Variants in CLDN16 observed in about 807,000 individuals in gnomAD.
The protein encoded by CLDN16 is claudin 16.
Under a neutral mutation model 24.6 loss-of-function variants are expected in CLDN16, and 13 were observed. The observed-to-expected ratio is 0.53, with a 90% confidence interval of 0.34 to 0.84. The LOEUF is 0.84. Ranked by LOEUF, CLDN16 falls within the 40% of genes least tolerant of loss-of-function variation. The pLI, the probability that CLDN16 is intolerant of heterozygous loss-of-function variation, is 0.01. For synonymous variants in CLDN16, 116 were observed against 106.7 expected (o/e 1.09, Z -0.54); for missense variants, 298 against 292.7 (o/e 1.02, Z -0.13).
Position 190,404,762 on chromosome 3 carries a change from T to C in CLDN16, c.218T>C (p.Leu73Ser). Residue 73 changes from leucine (L) to serine (S), a missense_variant and splice_region_variant, in exon 3 of 5, where the codon TTG becomes TCG. Leu to Ser is a moderately radical substitution (Grantham distance 145). Transcript: ENST00000264734. ...TTAACCATATGCCCTGGTCTTCCAG[T>C]GAAGCTGGTGGTAACTCGAGCGTTG... ...EYDSILAEHP[L>S]KLVVTRALMI... 6.2e-7 allele frequency: 1 copy of C among 1,614,176 alleles called. No individual in the cohort carries two copies. The highest frequency in any genetic ancestry group is 8.5e-7 in the Non-Finnish European group (1 of 1,179,990).
At chr3:190,295,018 G>A in the CLDN16 span, among the ~76,000 whole-genome samples, 8 of 151,988 alleles carry the variant, frequency 5.3e-5, no homozygotes, top group Non-Finnish European at 1.0e-4. Context: ...ATTCAATAGA[G>A]GCATTATCTC....
At chr3:190,334,992 C>CTT (rs1189599671) in intron 1 of CLDN16, among the ~76,000 whole-genome samples, 1 of 147,824 alleles carries the variant, frequency 6.8e-6, no homozygotes, top group African/African-American at 2.5e-5. Context: ...CTTTTCTTTT[C>CTT]TTTTTATTCT....
the CLDN16 span, among the ~76,000 whole-genome samples, chr3:190,291,068 A>T: frequency 2.6e-5 from 4 of 152,272 alleles, no homozygotes; most frequent in African/African-American, 2.4e-5. Flanking sequence ...AGCATAATGA[A>T]TGCTATGCGG....
At chr3:190,407,560 T>C (rs1306855087) in intron 3 of CLDN16, among the ~76,000 whole-genome samples, 1 of 152,198 alleles carries the variant, frequency 6.6e-6, no homozygotes, top group Non-Finnish European at 1.5e-5. Flanking sequence ...CATTTCTTAT[T>C]GCATCTAGGC....
At chr3:190,294,848 T>C in the CLDN16 span, among the ~76,000 whole-genome samples, 1 of 152,098 alleles carries the variant, frequency 6.6e-6, no homozygotes, top group Non-Finnish European at 1.5e-5. Flanking sequence ...TCTTGCAAAC[T>C]CAGTAAGAAA....
chr3:190,349,227 A>T (rs1717621200), intron 1 of CLDN16, among the ~76,000 whole-genome samples: 1 of 152,050 alleles, frequency 6.6e-6, no homozygotes, highest in Non-Finnish European at 1.5e-5. Context: ...GATCATGGGG[A>T]TGAATTTCCC....
At chr3:190,323,956 T>C (rs1202174206) in intron 1 of CLDN16, among the ~76,000 whole-genome samples, 1 of 152,130 alleles carries the variant, frequency 6.6e-6, no homozygotes, top group Admixed American at 6.5e-5. Context: ...TATCCCAGGG[T>C]TAGGGCCTGC....
At chr3:190,351,527 A>C (rs1436197129) in intron 1 of CLDN16, among the ~76,000 whole-genome samples, 2 of 152,224 alleles carry the variant, frequency 1.3e-5, no homozygotes, top group Non-Finnish European at 1.5e-5. Context: ...AGTAATATTT[A>C]AACAAACCAG....
At chr3:190,363,315 T>A (rs1415880525) in intron 1 of CLDN16, among the ~76,000 whole-genome samples, 1 of 151,688 alleles carries the variant, frequency 6.6e-6, no homozygotes, top group African/African-American at 2.4e-5. Flanking sequence ...CTCCCATTTA[T>A]CTCTTTAAAC....
At chr3:190,368,339 G>A (rs1718066756) in intron 1 of CLDN16, among the ~76,000 whole-genome samples, 1 of 151,938 alleles carries the variant, frequency 6.6e-6, no homozygotes, top group Admixed American at 6.6e-5. Flanking sequence ...CGCCAACAAT[G>A]ATGGAGTAGA....
At chr3:190,294,274 A>G in the CLDN16 span, among the ~76,000 whole-genome samples, 1 of 152,168 alleles carries the variant, frequency 6.6e-6, no homozygotes, top group Admixed American at 6.5e-5. Context: ...CACTTAGTTC[A>G]ACTAAAAAAA....
chr3:190,302,991 T>C, the CLDN16 span, among the ~76,000 whole-genome samples: 3 of 151,898 alleles, frequency 2.0e-5, no homozygotes, highest in Non-Finnish European at 2.9e-5. Flanking sequence ...ATCAAATTAT[T>C]TGAAAGTTCT....
the CLDN16 span, among the ~76,000 whole-genome samples, chr3:190,312,466 C>T: frequency 6.6e-6 from 1 of 152,320 alleles, no homozygotes; most frequent in East Asian, 1.9e-4. Context: ...CCCAATCCTT[C>T]CATCCCTCAC....
intron 3 of CLDN16, chr3:190,374,721 G>C (rs1363334191): frequency 6.6e-6 from 1 of 151,820 alleles, no homozygotes; most frequent in East Asian, 1.9e-4. Context: ...TTTTCAAAAA[G>C]AACAACAACA....
chr3:190,318,295 G>A (rs1716822887), upstream of CLDN16, among the ~76,000 whole-genome samples: 1 of 152,112 alleles, frequency 6.6e-6, no homozygotes, highest in African/African-American at 2.4e-5. Flanking sequence ...TTAAGTTGAT[G>A]CTTCTATATT....
chr3:190,331,897 T>C (rs1717188004), intron 1 of CLDN16, among the ~76,000 whole-genome samples: 1 of 152,204 alleles, frequency 6.6e-6, no homozygotes, highest in South Asian at 2.1e-4. Context: ...CCTGGTACAT[T>C]CTAGAGGGAT....
chr3:190,343,976 T>C (rs920061089), intron 1 of CLDN16, among the ~76,000 whole-genome samples: 4 of 151,508 alleles, frequency 2.6e-5, no homozygotes, highest in African/African-American at 9.8e-5. Context: ...TCACATGTGA[T>C]AGGGCGAATA....
intron 1 of CLDN16, among the ~76,000 whole-genome samples, chr3:190,352,512 A>G (rs1384660270): frequency 6.6e-6 from 1 of 152,166 alleles, no homozygotes; most frequent in East Asian, 1.9e-4. Context: ...CACTTTCTGT[A>G]GCAAAGTGCT....
chr3:190,317,145 G>T, the CLDN16 span, among the ~76,000 whole-genome samples: 19 of 151,978 alleles, frequency 1.3e-4, no homozygotes, highest in African/African-American at 4.1e-4. Flanking sequence ...ACTTTGAATT[G>T]GTCTGATTAG....
Sources: allele counts gnomAD v4.1 joint callset (sites outside exome capture counted in the v4.1 genomes callset), GRCh38; gene constraint gnomAD v4.1.1; transcripts MANE v1.5; gene names NCBI Gene and HGNC (gene_info 2026-07-23, HGNC 2026-07-21).